The following MIR2052HG variants were observed in gnomAD, a reference collection of about 807,000 sequenced individuals.
MIR2052HG encodes the protein MIR2052 host gene.
chr8:74,673,770 G>A (rs1004305795), intron 2 of MIR2052HG, among the ~76,000 whole-genome samples: 1 of 151,494 alleles, frequency 6.6e-6, no homozygotes, highest in Non-Finnish European at 1.5e-5. Flanking sequence ...GTCTCAGAGT[G>A]TCTAGTTCTT....
intron 2 of MIR2052HG, among the ~76,000 whole-genome samples, chr8:74,644,748 G>A (rs533186294): frequency 2.0e-4 from 31 of 151,982 alleles, no homozygotes; most frequent in African/African-American, 6.0e-4. Context: ...TAAATTAGCC[G>A]GGCATGGTGG....
At chr8:74,698,741 T>A (rs1809326978) in intron 2 of MIR2052HG, among the ~76,000 whole-genome samples, 1 of 151,972 alleles carries the variant, frequency 6.6e-6, no homozygotes, top group African/African-American at 2.4e-5. Flanking sequence ...TGAGAACACA[T>A]GGACACAGGG....
chr8:74,618,587 T>A (rs1808317396), intron 2 of MIR2052HG, among the ~76,000 whole-genome samples: 1 of 152,168 alleles, frequency 6.6e-6, no homozygotes, highest in African/African-American at 2.4e-5. Flanking sequence ...TTTGACAAAA[T>A]TTCACATTAT....
At chr8:74,745,689 A>G (rs575889024) in intron 4 of MIR2052HG, among the ~76,000 whole-genome samples, 5 of 152,188 alleles carry the variant, frequency 3.3e-5, no homozygotes, top group Non-Finnish European at 7.3e-5. Flanking sequence ...GAATCTTATG[A>G]AGGAAAAGCA....
At chr8:74,681,843 C>A (rs1311095802) in intron 2 of MIR2052HG, among the ~76,000 whole-genome samples, 1 of 152,070 alleles carries the variant, frequency 6.6e-6, no homozygotes, top group Non-Finnish European at 1.5e-5. Context: ...CAGAAGAAAA[C>A]AGGCTAATAT....
At chr8:74,746,514 G>A (rs1809886931) in intron 4 of MIR2052HG, among the ~76,000 whole-genome samples, 1 of 151,936 alleles carries the variant, frequency 6.6e-6, no homozygotes. Flanking sequence ...GAGAATTAAA[G>A]TGCCATGGGA....
chr8:74,676,738 C>G (rs79336519), intron 2 of MIR2052HG, among the ~76,000 whole-genome samples: 2,674 of 151,858 alleles, frequency 0.018, 61 homozygotes, highest in East Asian at 0.065. Flanking sequence ...ATGGTGACTA[C>G]CGTTAATAAT....
At chr8:74,684,728 G>C (rs928051941) in intron 2 of MIR2052HG, among the ~76,000 whole-genome samples, 1 of 152,116 alleles carries the variant, frequency 6.6e-6, no homozygotes, top group Non-Finnish European at 1.5e-5. Context: ...CATCACTAAG[G>C]TGGTAGAAAT....
chr8:74,616,972 A>AAAAAT (rs1440534715), intron 2 of MIR2052HG, among the ~76,000 whole-genome samples: 1 of 152,198 alleles, frequency 6.6e-6, no homozygotes, highest in Non-Finnish European at 1.5e-5. Context: ...AGATTAAAAA[A>AAAAAT]AAAATCCTGG....
chr8:74,716,434 C>T (rs541626123), intron 4 of MIR2052HG, among the ~76,000 whole-genome samples: 5 of 152,224 alleles, frequency 3.3e-5, no homozygotes, highest in East Asian at 3.9e-4. Context: ...AATCCAGGGC[C>T]GGTCACAGTG....
intron 2 of MIR2052HG, among the ~76,000 whole-genome samples, chr8:74,699,364 C>A (rs143013351): frequency 1.3e-5 from 2 of 151,050 alleles, no homozygotes; most frequent in Admixed American, 6.6e-5. Flanking sequence ...ATCCCAAATG[C>A]GATCAATGAG....
chr8:74,748,446 A>C (rs73687269), intron 4 of MIR2052HG, among the ~76,000 whole-genome samples: 1,617 of 152,362 alleles, frequency 0.011, 32 homozygotes, highest in African/African-American at 0.036. Context: ...CAATGAAAGA[A>C]GAAAAATGCA....
chr8:74,678,545 A>C (rs1045562899), intron 2 of MIR2052HG, among the ~76,000 whole-genome samples: 1 of 143,972 alleles, frequency 6.9e-6, no homozygotes, highest in Non-Finnish European at 1.5e-5. Context: ...CCTGGGCGAT[A>C]AGATCTAGAG....
chr8:74,604,015 T>C (rs969341787), intron 1 of MIR2052HG: 4 of 979,166 alleles, frequency 4.1e-6, no homozygotes, highest in Non-Finnish European at 6.7e-6. Context: ...TTCCAGTTTG[T>C]CAATGATCAT....
At chr8:74,737,267 T>G (rs1809776430) in intron 4 of MIR2052HG, among the ~76,000 whole-genome samples, 1 of 152,166 alleles carries the variant, frequency 6.6e-6, no homozygotes, top group Non-Finnish European at 1.5e-5. Flanking sequence ...AGACTGATTG[T>G]GGGCTACAAC....
At chr8:74,717,764 C>T (rs1809535126) in intron 4 of MIR2052HG, among the ~76,000 whole-genome samples, 1 of 151,132 alleles carries the variant, frequency 6.6e-6, no homozygotes, top group African/African-American at 2.4e-5. Flanking sequence ...GCTACAATCA[C>T]ACCACTGCAC....
intron 2 of MIR2052HG, among the ~76,000 whole-genome samples, chr8:74,655,666 G>T (rs1311468810): frequency 6.6e-6 from 1 of 152,148 alleles, no homozygotes; most frequent in Non-Finnish European, 1.5e-5. Context: ...TGCAGGGGTG[G>T]GGCCCTTATG....
chr8:74,747,085 A>G (rs1235802215), intron 4 of MIR2052HG, among the ~76,000 whole-genome samples: 1 of 152,108 alleles, frequency 6.6e-6, no homozygotes, highest in Non-Finnish European at 1.5e-5. Context: ...ATTTCTATAC[A>G]TATACTCTAG....
intron 2 of MIR2052HG, among the ~76,000 whole-genome samples, chr8:74,648,112 T>C (rs1272379422): frequency 1.3e-5 from 2 of 152,150 alleles, no homozygotes; most frequent in African/African-American, 2.4e-5. Flanking sequence ...TAGAGCCATA[T>C]TTTTCTTCTC....
Sources: gnomAD v4.1 joint callset for allele counts (sites outside exome capture counted in the v4.1 genomes callset) on GRCh38, gnomAD v4.1.1 for gene constraint, MANE v1.5 for transcripts, NCBI Gene and HGNC (gene_info 2026-07-23, HGNC 2026-07-21) for gene names.